The following IL12RB1 variants were observed in gnomAD, a reference collection of about 807,000 sequenced individuals.
IL12RB1 encodes interleukin 12 receptor subunit beta 1.
In IL12RB1, 64 loss-of-function variants were observed where a neutral mutation model predicts 94.4. The observed-to-expected ratio is 0.68, with a 90% CI of 0.55 to 0.83. IL12RB1 has a LOEUF of 0.83. Ranked by LOEUF, IL12RB1 falls within the 40% of genes least tolerant of loss-of-function variation. The probability of loss-of-function intolerance (pLI) is 0.00; values close to 1 mark genes in which losing one functional copy is unlikely to be tolerated. For missense variants in IL12RB1, 814 were observed against 855.6 expected, an observed-to-expected ratio of 0.95 and a Z score of 0.61; for synonymous variants, 362 against 355.5, an observed-to-expected ratio of 1.02 and a Z score of -0.21.
At chr19:18,069,897 T>C (rs1297167337) in intron 9 of IL12RB1, among the ~76,000 whole-genome samples, 184 bp from the exon 10 acceptor site, 2 of 151,998 alleles carry the variant, frequency 1.3e-5, no homozygotes, top group Non-Finnish European at 2.9e-5. Context: ...ACAAAGTGGG[T>C]AGCAGATGGC....
chr19:18,061,842 A>G (rs2034152626), intron 14 of IL12RB1, among the ~76,000 whole-genome samples: 2 of 139,718 alleles, frequency 1.4e-5, no homozygotes, highest in Non-Finnish European at 3.1e-5. Context: ...TAGCCTGGGT[A>G]ACAGAGTAAG....
intron 4 of IL12RB1, 54 bp from the exon 5 acceptor site, chr19:18,077,709 T>C (rs547199404): frequency 1.3e-5 from 15 of 1,188,448 alleles, no homozygotes; most frequent in Non-Finnish European, 1.9e-5. Context: ...TGTGAGTTAA[T>C]GGGCCCTGAA....
At position 18,081,010 on chromosome 19, in the gene IL12RB1, G is replaced by C. The variant is rs1724713821; in HGVS notation, c.240-9C>G. 6.2e-7 allele frequency: 1 copy of C among 1,609,612 alleles called. No homozygotes were observed. Among genetic ancestry groups the C allele is most frequent in the Non-Finnish European group, 8.5e-7 (1 of 1,179,660 alleles). On this transcript the variant is annotated splice_polypyrimidine_tract_variant and intron_variant, in intron 3 of 16. Transcript: ENST00000593993. Reference sequence around the variant, plus strand: ...AGCGCCCGGAGCTAAGGCTGCAGCAGGAAGGAGGGTGTCAGTGCCGAGTCT... The same window carrying C: ...AGCGCCCGGAGCTAAGGCTGCAGCACGAAGGAGGGTGTCAGTGCCGAGTCT...
At chr19:18,068,904 C>T (rs2034803924) in intron 10 of IL12RB1, among the ~76,000 whole-genome samples, 1 of 152,054 alleles carries the variant, frequency 6.6e-6, no homozygotes, top group African/African-American at 2.4e-5. Flanking sequence ...TGCACACCAT[C>T]ATGCCTGGCT....
At chr19:18,061,456 C>A (rs2034122592) in intron 14 of IL12RB1, among the ~76,000 whole-genome samples, 1 of 152,236 alleles carries the variant, frequency 6.6e-6, no homozygotes, top group Non-Finnish European at 1.5e-5. Context: ...TGTCCAACTC[C>A]TGGCCTAAAG....
At position 18,098,768 on chromosome 19, in the gene IL12RB1, A is replaced by G. The variant is rs113371765; in HGVS notation, c.-243T>C. ...TTCAGCACTTACCCAACGAACATTT[A>G]TGGAGCGCCTGCTGTGTGCCTGGCT... On this transcript the variant is annotated 5_prime_UTR_variant, in exon 1 of 5. Transcript: ENST00000594176. The G allele has an allele frequency of 2.0e-3, 915 of 456,696 alleles. 11 individuals are homozygous for G. The highest frequency in any genetic ancestry group is 0.016 in the African/African-American group (798 of 50,192). 28.3% of individuals were successfully genotyped at this position (456,696 alleles called of 1,614,324 possible).
chr19:18,088,040 C>A (rs2036451613), upstream of IL12RB1, among the ~76,000 whole-genome samples: 1 of 151,946 alleles, frequency 6.6e-6, no homozygotes, highest in Non-Finnish European at 1.5e-5. Flanking sequence ...GATCACTTGA[C>A]CCCAGGAGTT....
Position 18,085,509 on chromosome 19 carries a change from C to T in IL12RB1, c.64+1251G>A, listed in dbSNP as rs1393029092. Among the ~76,000 whole-genome samples the T allele has an allele frequency of 2.6e-5, 4 of 152,078 alleles. No individual in the cohort carries two copies. The East Asian group carries it at 5.8e-4, about 22-fold the overall frequency. ...AGGCGCTGGGACCTTGAGGTGTGGCCAGCACTGCTGTGGGCATTCTACAGG... is the reference window on the plus strand; with the variant it reads ...AGGCGCTGGGACCTTGAGGTGTGGCTAGCACTGCTGTGGGCATTCTACAGG... On this transcript the variant is annotated intron_variant, in intron 1 of 16. Coordinates refer to ENST00000593993, the MANE Select transcript of IL12RB1 (RefSeq NM_005535.3).
At chr19:18,086,674 C>A in intron 1 of IL12RB1, 86 bp downstream of exon 1, 2 of 1,370,210 alleles carry the variant, frequency 1.5e-6, no homozygotes, top group Non-Finnish European at 2.0e-6. Context: ...ATGAAACCAA[C>A]CCACACAGCA....
intron 11 of IL12RB1, among the ~76,000 whole-genome samples, chr19:18,067,067 C>T (rs941494748): frequency 6.8e-6 from 1 of 146,866 alleles, no homozygotes; most frequent in Non-Finnish European, 1.5e-5. Context: ...CTCATGCCTG[C>T]AATCCCAGCA....
At chr19:18,076,511 C>T (rs907103768) in intron 5 of IL12RB1, among the ~76,000 whole-genome samples, 184 bp from the exon 6 acceptor site, 1 of 152,118 alleles carries the variant, frequency 6.6e-6, no homozygotes, top group Non-Finnish European at 1.5e-5. Context: ...TCAGGTGATC[C>T]TCCCGCCTCA....
intron 1 of IL12RB1, among the ~76,000 whole-genome samples, chr19:18,094,045 T>G (rs76689425): frequency 0.029 from 4,407 of 152,320 alleles, 207 homozygotes; most frequent in African/African-American, 0.1. Context: ...CTCGTAGTCA[T>G]TATTCATTAA....
chr19:18,072,208 G>A lies in IL12RB1; in HGVS notation c.925C>T (p.Leu309Phe). ...GCCACGTTGTAGGCAGCACCCGAGA[G>A]ATAGGGCATCTTCCCCAGGTGCAGG... ...RTLHLGKMPY[L>F]SGAAYNVAVI... is the part of the protein sequence containing the mutation. Residue 309 changes from leucine (L) to phenylalanine (F), a missense_variant, in exon 9 of 17, where the codon CTC (leucine) becomes TTC (phenylalanine). By Grantham distance (22) the Leu-to-Phe change is conservative. Coordinates refer to ENST00000593993, the MANE Select transcript of IL12RB1 (RefSeq NM_005535.3). 1 of 1,614,130 alleles carries A rather than the reference G, an allele frequency of 6.2e-7. No homozygotes were observed. The highest frequency in any genetic ancestry group is 8.5e-7 in the Non-Finnish European group (1 of 1,179,962).
chr19:18,070,815 C>G (rs2034973825), intron 9 of IL12RB1: 1 of 152,134 alleles, frequency 6.6e-6, no homozygotes, highest in African/African-American at 2.4e-5. Context: ...TGTGGTGGTG[C>G]ATGTCTGTAG....
Position 18,075,852 on chromosome 19 carries a change from G to A in IL12RB1, c.597C>T (p.Pro199=). Residue 199 remains proline (P), a synonymous_variant, in exon 7 of 17, where the codon CCC becomes CCT. Coordinates refer to ENST00000593993, the MANE Select transcript of IL12RB1 (RefSeq NM_005535.3). ...ATTCCTGGGCCACATTCATCTCCAG[G>A]GGGCAGAGGCAGGACTCTGGGGAGA... ...QDDDTESCLC[P]LEMNVAQEFQ... 6.2e-7 allele frequency: 1 copy of A among 1,613,452 alleles called. No homozygotes were observed. The highest frequency in any genetic ancestry group is 1.1e-5 in the South Asian group (1 of 91,068).
intron 16 of IL12RB1, 33 bp from the exon 17 acceptor site, chr19:18,059,646 G>A (rs762302036): frequency 2.6e-6 from 2 of 780,356 alleles, no homozygotes; most frequent in Non-Finnish European, 4.8e-6. Flanking sequence ...TTCCTTTCAG[G>A]GGGTGGTTGT....
intron 4 of IL12RB1, among the ~76,000 whole-genome samples, chr19:18,080,217 G>C (rs1171281534): frequency 2.0e-5 from 3 of 151,704 alleles, no homozygotes; most frequent in Non-Finnish European, 4.4e-5. Context: ...CACCACACCA[G>C]GCAAATTTTT....
intron 5 of IL12RB1, 45 bp from the exon 6 acceptor site, chr19:18,076,372 G>C (rs1568507321): frequency 2.0e-6 from 2 of 985,236 alleles, no homozygotes; most frequent in Middle Eastern, 4.2e-4. Flanking sequence ...TTTTGGTGCT[G>C]AAAAATATTT....
chr19:18,066,222 C>T (rs2034570190), intron 12 of IL12RB1, among the ~76,000 whole-genome samples: 1 of 151,998 alleles, frequency 6.6e-6, no homozygotes, highest in African/African-American at 2.4e-5. Flanking sequence ...ATTCTCCTGC[C>T]TCAGCCTCCC....
Sources: gnomAD v4.1 joint callset for allele counts (sites outside exome capture counted in the v4.1 genomes callset) on GRCh38, gnomAD v4.1.1 for gene constraint, MANE v1.5 for transcripts, NCBI Gene and HGNC (gene_info 2026-07-23, HGNC 2026-07-21) for gene names.